PDE1A: variants seen among roughly 807,000 people sequenced by gnomAD.
PDE1A encodes dual specificity calcium/calmodulin-dependent 3',5'-cyclic nucleotide phosphodiesterase 1A.
PDE1A carries 35 observed loss-of-function variants against 61.7 expected under a neutral mutation model. That is an observed-to-expected ratio of 0.57 (90% CI 0.43 to 0.75). The LOEUF is 0.75. PDE1A is among the 30% of genes least tolerant of loss of function. PDE1A has a pLI of 0.00. For missense variants in PDE1A, 597 were observed against 630.6 expected (o/e 0.95, Z 0.57); for synonymous variants, 232 against 213.2 (o/e 1.09, Z -0.77).
At position 182,187,737 on chromosome 2, in the gene PDE1A, CTTTTTTTTTTTTT is replaced by C. The variant is rs1038970569; in HGVS notation, c.1208-1162_1208-1150del. Reference sequence around the variant, plus strand: ...TTAAGTTCTATGTTCTTTTTTTGTTCTTTTTTTTTTTTTTTTTTTTTTTTTGAGATGGAGTCTC... The same window carrying C: ...TTAAGTTCTATGTTCTTTTTTTGTTCTTTTTTTTTTTTGAGATGGAGTCTC... On this transcript the variant is annotated intron_variant, in intron 11 of 13. Coordinates refer to ENST00000351439, the Ensembl canonical transcript of PDE1A. 2.9e-4 allele frequency among the ~76,000 whole-genome samples: 19 copies of C among 66,384 alleles called. 1 individual carries two copies. The Admixed American group carries it at 4.1e-3, about 14-fold the overall frequency. The allele number at this position is 66,384 out of a possible 152,430, so 43.6% of individuals were successfully genotyped here. A position where few individuals can be genotyped will look rare whatever the true frequency, so the allele number is the denominator to read the frequency against.
chr2:182,390,189 G>T (rs1445368554), intron 1 of PDE1A, among the ~76,000 whole-genome samples: 2 of 152,002 alleles, frequency 1.3e-5, no homozygotes, highest in Non-Finnish European at 2.9e-5. Context: ...CACAGATTTT[G>T]GTACCAGGAG....
chr2:182,516,836 AGGG>A lies in PDE1A; in HGVS notation c.101+5437_101+5439del, dbSNP rs59021960. The stretch of plus-strand genomic sequence containing the variant: ...GGAAAGGAAGGGAAGGAAGGAAGGG[AGGG>A]AGGGAGGGAGGGAGGGAGGGAGGGA... On this transcript the variant is annotated intron_variant, in intron 2 of 14. Transcript: ENST00000410103. Among the ~76,000 whole-genome samples, 8 of 30,502 alleles carry A rather than the reference AGGG, an allele frequency of 2.6e-4. No individual in the cohort carries two copies. In the South Asian group the frequency reaches 6.2e-3, roughly 24 times the overall value. The allele number at this position is 30,502 out of a possible 152,430, so 20.0% of individuals were successfully genotyped here.
chr2:182,642,132 A>G, the PDE1A span, among the ~76,000 whole-genome samples: 2 of 152,346 alleles, frequency 1.3e-5, no homozygotes, highest in African/African-American at 4.8e-5. Flanking sequence ...AATCCTGCAA[A>G]TTATTTGTAG....
chr2:182,654,042 A>G, the PDE1A span, among the ~76,000 whole-genome samples: 192 of 152,334 alleles, frequency 1.3e-3, 1 homozygote, highest in Non-Finnish European at 1.1e-3. Flanking sequence ...TTTATAGACT[A>G]TAAGAGTGTT....
chr2:182,240,045 A>G, intron 3 of PDE1A, 65 bp downstream of exon 3: 1 of 1,437,308 alleles, frequency 7.0e-7, no homozygotes, highest in East Asian at 2.3e-5. Flanking sequence ...CATACCCTTG[A>G]AAAAATGAAT....
the PDE1A span, among the ~76,000 whole-genome samples, chr2:182,644,277 G>GTGTGTGTA: frequency 2.0e-5 from 3 of 149,336 alleles, no homozygotes; most frequent in Admixed American, 2.0e-4. Flanking sequence ...GTGTGTGTGT[G>GTGTGTGTA]TGTGTGTGTG....
At chr2:182,283,183 A>C (rs911927715) in intron 1 of PDE1A, among the ~76,000 whole-genome samples, 24 of 152,052 alleles carry the variant, frequency 1.6e-4, no homozygotes, top group African/African-American at 5.8e-4. Flanking sequence ...AAGTAAAATC[A>C]CTGGACACTT....
At chr2:182,591,955 T>G in the PDE1A span, among the ~76,000 whole-genome samples, 1 of 152,170 alleles carries the variant, frequency 6.6e-6, no homozygotes, top group Non-Finnish European at 1.5e-5. Flanking sequence ...GATATGAGAG[T>G]GCTAGTAGCA....
At chr2:182,450,475 T>G (rs1318944078) in intron 2 of PDE1A, among the ~76,000 whole-genome samples, 1 of 152,034 alleles carries the variant, frequency 6.6e-6, no homozygotes, top group Non-Finnish European at 1.5e-5. Flanking sequence ...TGTAAGCATT[T>G]GCCCATGAAA....
intron 7 of PDE1A, among the ~76,000 whole-genome samples, chr2:182,206,732 G>A (rs981388603): frequency 2.6e-5 from 4 of 152,148 alleles, no homozygotes; most frequent in African/African-American, 9.7e-5. Context: ...TTAGGGGAGG[G>A]ACCTGGTGGG....
chr2:182,474,060 CCACG>C (rs1285310993), intron 2 of PDE1A, among the ~76,000 whole-genome samples: 1 of 152,002 alleles, frequency 6.6e-6, no homozygotes, highest in African/African-American at 2.4e-5. Flanking sequence ...TGAGGTATCA[CCACG>C]CTGTCTTCCA....
chr2:182,323,093 G>T lies in PDE1A; in HGVS notation c.54-58679C>A, dbSNP rs1315634981. 2.0e-5 allele frequency among the ~76,000 whole-genome samples: 3 copies of T among 152,032 alleles called. No homozygotes were observed. The East Asian group carries it at 5.8e-4, about 29-fold the overall frequency. On this transcript the variant is annotated intron_variant, in intron 1 of 13. Transcript: ENST00000351439. ...TGACTTATTACAAAATAAAACAAATGTTATTTTAACCTTATGAGCTTGAAC... is the reference window on the plus strand; with the variant it reads ...TGACTTATTACAAAATAAAACAAATTTTATTTTAACCTTATGAGCTTGAAC...
intron 13 of PDE1A, among the ~76,000 whole-genome samples, chr2:182,162,260 C>T (rs1691423875): frequency 6.6e-6 from 1 of 152,114 alleles, no homozygotes; most frequent in Non-Finnish European, 1.5e-5. Context: ...CAAGCGATGG[C>T]ACTCAAATGT....
chr2:182,471,217 A>T (rs533370371), intron 2 of PDE1A, among the ~76,000 whole-genome samples: 10 of 151,812 alleles, frequency 6.6e-5, no homozygotes, highest in Non-Finnish European at 1.2e-4. Context: ...GAAGAGATAC[A>T]TTTCAATAAC....
the PDE1A span, among the ~76,000 whole-genome samples, chr2:182,695,947 G>C: frequency 6.6e-6 from 1 of 152,144 alleles, no homozygotes; most frequent in Non-Finnish European, 1.5e-5. Context: ...CCAAAATCCA[G>C]AACACTGACA....
chr2:182,393,025 C>T (rs1701506715), intron 1 of PDE1A, among the ~76,000 whole-genome samples: 1 of 152,248 alleles, frequency 6.6e-6, no homozygotes, highest in African/African-American at 2.4e-5. Flanking sequence ...CTCACAGCTC[C>T]ACTAGGCAGT....
chr2:182,561,331 G>T, the PDE1A span, among the ~76,000 whole-genome samples: 2 of 152,020 alleles, frequency 1.3e-5, no homozygotes, highest in African/African-American at 4.8e-5. Context: ...CCCATTGCTT[G>T]TTTTTCTCAG....
chr2:182,383,488 T>A (rs1007908165), intron 1 of PDE1A, among the ~76,000 whole-genome samples: 1 of 151,948 alleles, frequency 6.6e-6, no homozygotes. Flanking sequence ...TGAAAGAAAA[T>A]TTAAAAATAA....
chr2:182,324,680 C>T (rs1437008421), intron 1 of PDE1A, among the ~76,000 whole-genome samples: 1 of 152,140 alleles, frequency 6.6e-6, no homozygotes, highest in Non-Finnish European at 1.5e-5. Flanking sequence ...GTAGCACACG[C>T]TCATCCCACG....
Sources: allele counts gnomAD v4.1 joint callset (sites outside exome capture counted in the v4.1 genomes callset), GRCh38; gene constraint gnomAD v4.1.1; transcripts MANE v1.5; gene names NCBI Gene and HGNC (gene_info 2026-07-23, HGNC 2026-07-21).